Variants in PCDHGA3 observed in about 807,000 individuals in gnomAD.
PCDHGA3 encodes the protein protocadherin gamma subfamily A, 3.
PCDHGA3 carries 40 observed loss-of-function variants against 58.5 expected under a neutral mutation model. That is an observed-to-expected ratio of 0.68 (90% CI 0.53 to 0.89). The LOEUF is 0.89. Among genes scored for constraint, PCDHGA3 ranks in the 40% least tolerant of loss-of-function variants. PCDHGA3 has a pLI of 0.00. For missense variants in PCDHGA3, 1,223 were observed against 1,195.9 expected, an observed-to-expected ratio of 1.02 and a Z score of -0.33; for synonymous variants, 530 against 525.7, an observed-to-expected ratio of 1.01 and a Z score of -0.11.
At chr5:141,370,820 C>CA in intron 1 of PCDHGA3, 1 of 1,614,062 alleles carries the variant, frequency 6.2e-7, no homozygotes, top group Non-Finnish European at 8.5e-7. Flanking sequence ...AGCTGGAAAT[C>CA]AGCGAACTGG....
At chr5:141,390,233 T>C (rs1388812754) in intron 1 of PCDHGA3, 1 of 1,614,068 alleles carries the variant, frequency 6.2e-7, no homozygotes, top group Non-Finnish European at 8.5e-7. Flanking sequence ...GTGATTCATC[T>C]GGGGCCTTAT....
Position 141,361,197 on chromosome 5 carries a change from T to C in PCDHGA3, c.2424+14740T>C, listed in dbSNP as rs750965424. 2.5e-6 allele frequency: 4 copies of C among 1,613,872 alleles called. No individual in the cohort carries two copies. In the Admixed American group the frequency reaches 6.7e-5, roughly 27 times the overall value. Reference sequence around the variant, plus strand: ...AAGTTATTGTGACTTCAGTATCTACTCCCCTACCGGAGGATTCGCCACCAG... The same window carrying C: ...AAGTTATTGTGACTTCAGTATCTACCCCCCTACCGGAGGATTCGCCACCAG... On this transcript the variant is annotated intron_variant, in intron 1 of 3. Transcript: ENST00000253812.
At chr5:141,414,414 C>T (rs376404716) in intron 1 of PCDHGA3, 4 of 1,613,830 alleles carry the variant, frequency 2.5e-6, no homozygotes, top group South Asian at 1.1e-5. Context: ...TACACAGAGC[C>T]CTTGACAGGG....
intron 1 of PCDHGA3, chr5:141,355,420 C>T: frequency 6.2e-7 from 1 of 1,614,124 alleles, no homozygotes; most frequent in Non-Finnish European, 8.5e-7. Context: ...TAGGACGCAG[C>T]TTTTCGCCCT....
chr5:141,400,361 C>G (rs776965891), intron 1 of PCDHGA3: 3 of 1,613,952 alleles, frequency 1.9e-6, no homozygotes, highest in Non-Finnish European at 2.5e-6. Flanking sequence ...GGGACTTTGC[C>G]TTATTCCTAC....
At chr5:141,387,891 A>T (rs774395551) in intron 1 of PCDHGA3, 36 of 1,554,882 alleles carry the variant, frequency 2.3e-5, no homozygotes, top group Non-Finnish European at 2.9e-5. Context: ...AGGGATGGGG[A>T]GCGGCGCCGG....
At chr5:141,428,823 T>C (rs2097162740) in intron 1 of PCDHGA3, 1 of 152,274 alleles carries the variant, frequency 6.6e-6, no homozygotes, top group Non-Finnish European at 1.5e-5. Context: ...TTAGCTTTCA[T>C]GTATTTTTGA....
At chr5:141,508,123 G>A (rs989767852) in intron 3 of PCDHGA3, 1 of 152,616 alleles carries the variant, frequency 6.6e-6, no homozygotes, top group Non-Finnish European at 1.5e-5. Context: ...GAGGACAGAG[G>A]GAGGTCAGGG....
At chr5:141,508,682 C>G (rs2099870913) in intron 3 of PCDHGA3, among the ~76,000 whole-genome samples, 1 of 152,080 alleles carries the variant, frequency 6.6e-6, no homozygotes, top group Non-Finnish European at 1.5e-5. Context: ...TCCCTTCTCC[C>G]TGCTTCTCCG....
chr5:141,456,973 A>G (rs1276476368), intron 1 of PCDHGA3, among the ~76,000 whole-genome samples: 2 of 147,412 alleles, frequency 1.4e-5, no homozygotes, highest in Admixed American at 6.7e-5. Flanking sequence ...AAAACAAAAC[A>G]AACAAACAAA....
intron 1 of PCDHGA3, chr5:141,376,150 C>T (rs1411473107): frequency 1.6e-5 from 26 of 1,613,928 alleles, no homozygotes; most frequent in Non-Finnish European, 2.2e-5. Flanking sequence ...ATTCGGACCT[C>T]ACTCTGTACC....
In PCDHGA3 at chr5:141,387,729, A is replaced by C. The variant is rs536775462; in HGVS notation, c.2424+41272A>C. ...GCCCCAGCTCAGACTCCCCAGCGCC[A>C]GCCTTTACACCGCTTCCTCCTCGGA... On this transcript the variant is annotated intron_variant, in intron 1 of 3. Coordinates refer to ENST00000253812, the MANE Select transcript of PCDHGA3 (RefSeq NM_018916.4). The C allele has an allele frequency of 4.9e-6, 6 of 1,227,140 alleles. No individual in the cohort carries two copies. The African/African-American group carries it at 7.6e-5, about 16-fold the overall frequency. The allele number at this position is 1,227,140 out of a possible 1,614,324, so 76.0% of individuals were successfully genotyped here.
chr5:141,385,482 A>G, intron 1 of PCDHGA3: 3 of 1,423,440 alleles, frequency 2.1e-6, no homozygotes, highest in South Asian at 1.6e-5. Context: ...TTTAATATAG[A>G]ACACATAGGA....
At chr5:141,362,396 T>A (rs1251687072) in intron 1 of PCDHGA3, 1 of 1,613,940 alleles carries the variant, frequency 6.2e-7, no homozygotes, top group African/African-American at 1.3e-5. Flanking sequence ...TCCTACAACC[T>A]GTGTGTTGCC....
chr5:141,494,751 G>C (rs2099756509), intron 1 of PCDHGA3, 56 bp from the exon 2 acceptor site: 2 of 1,613,426 alleles, frequency 1.2e-6, no homozygotes, highest in African/African-American at 1.3e-5. Flanking sequence ...AGGGGCTCGG[G>C]TGACATTCTA....
intron 1 of PCDHGA3, chr5:141,375,374 C>T: frequency 2.5e-6 from 4 of 1,613,952 alleles, no homozygotes; most frequent in Non-Finnish European, 3.4e-6. Flanking sequence ...AGGAACACCA[C>T]CTCTGTCTAC....
intron 1 of PCDHGA3, chr5:141,427,998 C>G: frequency 6.2e-7 from 1 of 1,600,956 alleles, no homozygotes; most frequent in Non-Finnish European, 8.6e-7. Context: ...TGGCTCCGCA[C>G]TCTTCGATAT....
Position 141,393,720 on chromosome 5 carries a change from A to T in PCDHGA3, c.2424+47263A>T, listed in dbSNP as rs371093729. ...TAATGAAAATACTGGGGAAATATCA[A>T]TAGCAAAAAGTCTAGATTATGAAGA... On this transcript the variant is annotated intron_variant, in intron 1 of 3. Transcript: ENST00000253812. 5.0e-6 allele frequency: 8 copies of T among 1,613,888 alleles called. No homozygotes were observed. The South Asian group carries it at 8.8e-5, about 18-fold the overall frequency.
At chr5:141,413,089 C>A in intron 1 of PCDHGA3, 1 of 1,401,120 alleles carries the variant, frequency 7.1e-7, no homozygotes, top group Non-Finnish European at 9.7e-7. Context: ...TACAGAGACA[C>A]CCTGAAGCCA....
Sources: gnomAD v4.1 joint callset for allele counts (sites outside exome capture counted in the v4.1 genomes callset) on GRCh38, gnomAD v4.1.1 for gene constraint, MANE v1.5 for transcripts, NCBI Gene and HGNC (gene_info 2026-07-23, HGNC 2026-07-21) for gene names.